SRGAP2: variants seen among roughly 807,000 people sequenced by gnomAD.
SRGAP2 encodes the protein SLIT-ROBO Rho GTPase-activating protein 2.
A neutral mutation model predicts 57.2 loss-of-function variants in SRGAP2; 15 were observed. The observed-to-expected ratio is 0.26, with a 90% confidence interval of 0.18 to 0.40. The LOEUF (loss-of-function observed/expected upper bound fraction) is 0.40. Ranked by LOEUF, SRGAP2 falls within the 10% of genes least tolerant of loss-of-function variation. The pLI is 1.00. For synonymous variants in SRGAP2, 249 were observed against 248.0 expected (o/e 1.00, Z -0.04); for missense variants, 520 against 669.6 (o/e 0.78, Z 2.47).
intron 4 of SRGAP2, among the ~76,000 whole-genome samples, chr1:206,374,563 AATGGGAATG>A (rs1323064351): frequency 4.6e-5 from 6 of 129,776 alleles, no homozygotes; most frequent in Non-Finnish European, 8.0e-5. Flanking sequence ...GGCCATGACT[AATGGGAATG>A]GCTACCCATG....
At position 206,324,841 on chromosome 1, in the gene SRGAP2, G is replaced by A. The variant is rs554265019; in HGVS notation, c.261-18005G>A. ...ACAGGTATGTAAGGAAGACACTGGG[G>A]TCATTTACAGAGCATGGGGAGAAAG... On this transcript the variant is annotated intron_variant, in intron 3 of 22. Transcript: ENST00000573034. 1.7e-3 allele frequency among the ~76,000 whole-genome samples: 253 copies of A among 152,228 alleles called. 4 individuals carry two copies. The highest frequency in any genetic ancestry group is 0.013 in the Admixed American group (201 of 15,290).
At chr1:206,431,596 G>A (rs889415431) in intron 14 of SRGAP2, among the ~76,000 whole-genome samples, 7 of 152,176 alleles carry the variant, frequency 4.6e-5, no homozygotes, top group Admixed American at 1.3e-4. Flanking sequence ...TTCATTGAAC[G>A]AATACATATT....
intron 3 of SRGAP2, among the ~76,000 whole-genome samples, chr1:206,324,888 T>A (rs1166633310): frequency 1.3e-5 from 2 of 151,730 alleles, no homozygotes; most frequent in Non-Finnish European, 2.9e-5. Context: ...GTACAGTGGT[T>A]ATTGGGTGCC....
rs562126379 is a variant in SRGAP2, at chr1:206,438,217, C to A, written c.1768+119C>A. On this transcript the variant is annotated intron_variant, in intron 16 of 22. Coordinates refer to ENST00000573034, the MANE Select transcript of SRGAP2 (RefSeq NM_015326.5). ...CTTTTCAATGAAGTTTTTCTTTTCC[C>A]CAGTGAAATTTCTCCTCAGCCTCAC... 154 of 627,886 alleles carry A rather than the reference C, an allele frequency of 2.5e-4. 2 individuals are homozygous for A. In the East Asian group the frequency reaches 4.3e-3, roughly 17 times the overall value. 38.9% of individuals were successfully genotyped at this position (627,886 alleles called of 1,614,324 possible).
intron 18 of SRGAP2, among the ~76,000 whole-genome samples, chr1:206,448,749 C>G (rs1215413786): frequency 2.0e-5 from 3 of 152,158 alleles, no homozygotes; most frequent in Non-Finnish European, 2.9e-5. Context: ...ACCTCTCCCC[C>G]GCCACCCCCA....
In SRGAP2 at chr1:206,461,508, A is replaced by C. The variant is rs12135281; in HGVS notation, c.*88A>C. ...CCTATTTAACTAGCTTGGGGACTTCAGTTGAAAATTAGGTTCTAAGTTGTT... is the reference window on the plus strand; with the variant it reads ...CCTATTTAACTAGCTTGGGGACTTCCGTTGAAAATTAGGTTCTAAGTTGTT... On this transcript the variant is annotated 3_prime_UTR_variant, in exon 23 of 23. Transcript: ENST00000573034. The C allele has an allele frequency of 7.5e-3, 4,978 of 660,244 alleles. 36 individuals are homozygous for C. The highest frequency in any genetic ancestry group is 9.3e-3 in the Non-Finnish European group (3,337 of 360,276). 40.9% of individuals were successfully genotyped at this position (660,244 alleles called of 1,614,324 possible).
chr1:206,363,811 T>A (rs1351903842), intron 4 of SRGAP2, among the ~76,000 whole-genome samples: 5 of 152,250 alleles, frequency 3.3e-5, no homozygotes, highest in African/African-American at 1.2e-4. Flanking sequence ...AGGAGGCACT[T>A]GCCGTTGATT....
intron 17 of SRGAP2, among the ~76,000 whole-genome samples, chr1:206,442,207 C>T (rs186250437): frequency 6.6e-6 from 1 of 152,246 alleles, no homozygotes; most frequent in East Asian, 1.9e-4. Flanking sequence ...TACAGAGGGT[C>T]CTTGTTCCCC....
intron 3 of SRGAP2, among the ~76,000 whole-genome samples, chr1:206,310,372 T>A (rs1426470288): frequency 6.6e-6 from 1 of 151,980 alleles, no homozygotes; most frequent in Non-Finnish European, 1.5e-5. Flanking sequence ...ACTACAGTTT[T>A]ATGTGGGGTA....
chr1:206,333,926 C>G (rs1202126610), intron 3 of SRGAP2, among the ~76,000 whole-genome samples: 18 of 152,198 alleles, frequency 1.2e-4, no homozygotes, highest in Non-Finnish European at 2.2e-4. Flanking sequence ...TAGGGCTTCT[C>G]TTATACCACT....
rs782705518 is a variant in SRGAP2 at position 206,458,925 on chromosome 1, T to C, written c.2810T>C (p.Met937Thr). 2 of 776,554 alleles carry C rather than the reference T, an allele frequency of 2.6e-6. No homozygotes were observed. The highest frequency in any genetic ancestry group is 1.4e-5 in the South Asian group (1 of 73,706). 48.1% of individuals were successfully genotyped at this position (776,554 alleles called of 1,614,324 possible). A position where few individuals can be genotyped will look rare whatever the true frequency, so the allele number is the denominator to read the frequency against. Residue 937 changes from methionine to threonine, a missense_variant, in exon 22 of 23, where the codon ATG (methionine) becomes ACG (threonine). Met to Thr is a moderately conservative substitution (Grantham distance 81, BLOSUM62 -1). Coordinates refer to ENST00000573034, the MANE Select transcript of SRGAP2 (RefSeq NM_015326.5). Reference protein sequence around the residue: ...RSKSFNNHRPMDPEVIAQDIE... With the variant: ...RSKSFNNHRPTDPEVIAQDIE... ...AAAAGCTTCAATAACCATCGGCCCA[T>C]GGACCCTGAGGTCATTGCTCAGGTA...
Position 206,458,641 on chromosome 1 carries a change from A to G in SRGAP2, c.2526A>G (p.Glu842=). Residue 842 remains glutamate (E), a synonymous_variant, in exon 22 of 23, where the codon GAA becomes GAG. Coordinates refer to ENST00000573034, the MANE Select transcript of SRGAP2 (RefSeq NM_015326.5). ...ATTGAAGGCAAAGGAAGCGTCCAGA[A>G]TCTGGGAGCATCCGGAAAACTTTTC... ...ANINKQRKRP[E]SGSIRKTFRS... is the part of the protein sequence containing the mutation. 1.3e-6 allele frequency: 1 copy of G among 765,154 alleles called. No individual in the cohort carries two copies. The allele number at this position is 765,154 out of a possible 1,614,324, so 47.4% of individuals were successfully genotyped here.
intron 21 of SRGAP2, among the ~76,000 whole-genome samples, chr1:206,456,798 G>GC (rs1663877564): frequency 6.6e-6 from 1 of 152,012 alleles, no homozygotes; most frequent in Non-Finnish European, 1.5e-5. Flanking sequence ...CTTACCTCCT[G>GC]CCCCCCACGC....
chr1:206,262,553 T>G (rs1187843174), intron 2 of SRGAP2, among the ~76,000 whole-genome samples: 1 of 151,228 alleles, frequency 6.6e-6, no homozygotes, highest in African/African-American at 2.4e-5. Flanking sequence ...CATGGCAACT[T>G]GGGAATTCAT....
chr1:206,325,387 G>A (rs1673805441), intron 3 of SRGAP2, among the ~76,000 whole-genome samples: 4 of 150,838 alleles, frequency 2.7e-5, no homozygotes, highest in African/African-American at 7.3e-5. Context: ...TCTTTCACCC[G>A]GGCTGGAGTG....
intron 2 of SRGAP2, among the ~76,000 whole-genome samples, chr1:206,225,592 C>T (rs1270286809): frequency 3.9e-5 from 6 of 152,066 alleles, no homozygotes; most frequent in South Asian, 4.1e-4. Context: ...CACCCCCATC[C>T]GCCTTTCATT....
chr1:206,426,362 C>T (rs935226665), intron 13 of SRGAP2, among the ~76,000 whole-genome samples: 24 of 152,164 alleles, frequency 1.6e-4, no homozygotes, highest in African/African-American at 5.8e-4. Context: ...ACATTTTACC[C>T]ATTCATCTAT....
chr1:206,457,322 G>A (rs782817832), intron 21 of SRGAP2, among the ~76,000 whole-genome samples: 42 of 152,172 alleles, frequency 2.8e-4, no homozygotes, highest in Non-Finnish European at 3.5e-4. Flanking sequence ...TAAAAAAGAC[G>A]AGGTCCCTGA....
chr1:206,420,475 C>A (rs1660195868), intron 12 of SRGAP2, among the ~76,000 whole-genome samples: 1 of 152,130 alleles, frequency 6.6e-6, no homozygotes, highest in Non-Finnish European at 1.5e-5. Context: ...AGACCTTAGG[C>A]CGCTCTTTTC....
Sources: allele counts gnomAD v4.1 joint callset (sites outside exome capture counted in the v4.1 genomes callset), GRCh38; gene constraint gnomAD v4.1.1; transcripts MANE v1.5; gene names NCBI Gene and HGNC (gene_info 2026-07-23, HGNC 2026-07-21).